MYO3B: variants seen among roughly 807,000 people sequenced by gnomAD.
The protein encoded by MYO3B is myosin IIIB.
MYO3B carries 156 observed loss-of-function variants against 174.6 expected under a neutral mutation model. The ratio of observed to expected loss-of-function variants is 0.89; its 90% CI spans 0.78 to 1.02. MYO3B has a LOEUF of 1.02. Ranked by LOEUF, MYO3B falls within the 50% of genes least tolerant of loss-of-function variation. The pLI is 0.00. For missense variants in MYO3B, 1,632 were observed against 1,639.4 expected (o/e 1.00, Z 0.08); for synonymous variants, 563 against 569.1 (o/e 0.99, Z 0.15).
At chr2:170,523,885 A>C (rs1393714934) in intron 30 of MYO3B, among the ~76,000 whole-genome samples, 1 of 152,158 alleles carries the variant, frequency 6.6e-6, no homozygotes, top group African/African-American at 2.4e-5. Context: ...CAGAATTTGC[A>C]GTGGTGGTTC....
chr2:170,488,716 T>G (rs951105303), intron 25 of MYO3B, among the ~76,000 whole-genome samples: 1 of 152,180 alleles, frequency 6.6e-6, no homozygotes, highest in African/African-American at 2.4e-5. Flanking sequence ...ATTATCAGGC[T>G]GGACAGAATT....
At position 170,335,427 on chromosome 2, in the gene MYO3B, A is replaced by G. The variant is rs570456023; in HGVS notation, c.792A>G (p.Glu264=). The G allele has an allele frequency of 1.2e-6, 2 of 1,612,498 alleles. No homozygotes were observed. Among genetic ancestry groups the G allele is most frequent in the Non-Finnish European group, 1.7e-6 (2 of 1,179,174 alleles). ...PTLLHPEKWC[E]EFNHFISQCL... ...TACTTCATCCAGAAAAATGGTGTGAAGAATTCAACCACTTTATTTCACAGT... is the reference window on the plus strand; with the variant it reads ...TACTTCATCCAGAAAAATGGTGTGAGGAATTCAACCACTTTATTTCACAGT... The change falls in exon 8 of 35, where the codon GAA becomes GAG. Residue 264 remains glutamate (E), a synonymous_variant. Coordinates refer to ENST00000408978, the MANE Select transcript of MYO3B (RefSeq NM_138995.5).
intron 23 of MYO3B, among the ~76,000 whole-genome samples, chr2:170,446,647 ACTAT>A (rs1406961007): frequency 1.3e-5 from 2 of 152,220 alleles, no homozygotes; most frequent in African/African-American, 4.8e-5. Flanking sequence ...AACTCCAGTT[ACTAT>A]CTGACTTATC....
chr2:170,211,200 C>A (rs2092766343), intron 3 of MYO3B, among the ~76,000 whole-genome samples: 1 of 152,164 alleles, frequency 6.6e-6, no homozygotes, highest in Non-Finnish European at 1.5e-5. Flanking sequence ...TAGGGCCTGC[C>A]ATGCATGCAC....
chr2:170,309,610 G>A (rs939596537), intron 7 of MYO3B, among the ~76,000 whole-genome samples: 10 of 152,140 alleles, frequency 6.6e-5, no homozygotes, highest in Non-Finnish European at 1.0e-4. Flanking sequence ...ACTGGCATGC[G>A]TGTGCTCACT....
At chr2:170,248,069 C>G (rs1384432913) in intron 7 of MYO3B, among the ~76,000 whole-genome samples, 2 of 152,202 alleles carry the variant, frequency 1.3e-5, no homozygotes, top group Non-Finnish European at 2.9e-5. Context: ...CCCCCTCTTT[C>G]TGTGCCACCT....
intron 30 of MYO3B, among the ~76,000 whole-genome samples, chr2:170,528,674 G>A (rs1689151678): frequency 1.3e-5 from 2 of 152,198 alleles, no homozygotes; most frequent in South Asian, 4.1e-4. Context: ...CCAAAGTGCT[G>A]AGATTGCATG....
At chr2:170,383,042 T>C (rs781377254) in intron 10 of MYO3B, 31 bp from the exon 11 acceptor site, 4 of 1,356,690 alleles carry the variant, frequency 2.9e-6, no homozygotes. Flanking sequence ...GGGAATAATA[T>C]TTACCTCAAT....
intron 23 of MYO3B, among the ~76,000 whole-genome samples, chr2:170,447,349 A>G (rs1683279391): frequency 1.3e-5 from 2 of 152,192 alleles, no homozygotes; most frequent in Admixed American, 6.5e-5. Flanking sequence ...GGATAGATGT[A>G]TCACTTGATA....
At chr2:170,648,642 T>A (rs1348701057) in intron 32 of MYO3B, among the ~76,000 whole-genome samples, 1 of 87,628 alleles carries the variant, frequency 1.1e-5, no homozygotes, top group Non-Finnish European at 2.0e-5. Context: ...GTATATATAT[T>A]ATATTCTATA....
chr2:170,230,646 G>T (rs141851639), intron 6 of MYO3B, among the ~76,000 whole-genome samples: 5 of 151,772 alleles, frequency 3.3e-5, no homozygotes, highest in Non-Finnish European at 5.9e-5. Context: ...CATAAAATTC[G>T]CTTCTTTCTA....
intron 7 of MYO3B, among the ~76,000 whole-genome samples, chr2:170,306,861 G>A (rs891255405): frequency 1.3e-5 from 2 of 152,086 alleles, no homozygotes; most frequent in African/African-American, 4.8e-5. Context: ...CACATTGCAT[G>A]TATTTTGCAT....
At chr2:170,503,273 C>A (rs1229245229) in intron 28 of MYO3B, among the ~76,000 whole-genome samples, 4 of 152,156 alleles carry the variant, frequency 2.6e-5, no homozygotes. Flanking sequence ...TTGAGTGCTC[C>A]CTGTCTTGCA....
chr2:170,526,855 A>G (rs910912868), intron 30 of MYO3B, among the ~76,000 whole-genome samples: 6 of 152,208 alleles, frequency 3.9e-5, no homozygotes, highest in African/African-American at 1.4e-4. Flanking sequence ...CTAAATCATC[A>G]GTGATCCTTA....
chr2:170,636,698 A>C (rs1697515330), intron 32 of MYO3B, among the ~76,000 whole-genome samples: 2 of 152,182 alleles, frequency 1.3e-5, no homozygotes, highest in Admixed American at 1.3e-4. Flanking sequence ...GTCCAAGATC[A>C]TTCCAGTGAA....
chr2:170,220,716 T>G (rs2092889232), intron 6 of MYO3B, among the ~76,000 whole-genome samples: 1 of 151,688 alleles, frequency 6.6e-6, no homozygotes, highest in Non-Finnish European at 1.5e-5. Flanking sequence ...CTGGAAGTGG[T>G]TCCCCTGTTA....
chr2:170,225,132 C>T (rs1482946858), intron 6 of MYO3B, among the ~76,000 whole-genome samples: 2 of 152,192 alleles, frequency 1.3e-5, no homozygotes, highest in Non-Finnish European at 2.9e-5. Context: ...TAAGAGCTAG[C>T]GTTTAGCGAG....
At chr2:170,623,368 C>T (rs1375238245) in intron 32 of MYO3B, among the ~76,000 whole-genome samples, 1 of 152,174 alleles carries the variant, frequency 6.6e-6, no homozygotes, top group Non-Finnish European at 1.5e-5. Context: ...GCATAAATGT[C>T]TTCTTTTGAA....
chr2:170,400,208 A>G lies in MYO3B; in HGVS notation c.1812A>G (p.Arg604=), dbSNP rs1161970732. 2 of 1,614,050 alleles carry G rather than the reference A, an allele frequency of 1.2e-6. No homozygotes were observed. Among genetic ancestry groups the G allele is most frequent in the Admixed American group, 3.3e-5 (2 of 60,012 alleles). ...FTDKEVHSVY[R]ILAGILNIGN... ...TTCAGGAGGTGCACTCAGTGTACAG[A>G]ATTTTGGCTGGGATTTTGAATATTG... The change falls in exon 17 of 35, where the codon AGA becomes AGG. Residue 604 remains arginine (R), a synonymous_variant. Coordinates refer to ENST00000408978, the MANE Select transcript of MYO3B (RefSeq NM_138995.5).
Sources: gnomAD v4.1 joint callset for allele counts (sites outside exome capture counted in the v4.1 genomes callset) on GRCh38, gnomAD v4.1.1 for gene constraint, MANE v1.5 for transcripts, NCBI Gene and HGNC (gene_info 2026-07-23, HGNC 2026-07-21) for gene names.